Variants in CCNY observed in about 807,000 individuals in gnomAD.
CCNY encodes cyclin-Y.
Under a neutral mutation model 42.8 loss-of-function variants are expected in CCNY, and 19 were observed. The observed-to-expected ratio is 0.44, with a 90% confidence interval of 0.31 to 0.65. The LOEUF is 0.65. Among genes scored for constraint, CCNY ranks in the 30% least tolerant of loss-of-function variants. The pLI is 0.07. For missense variants in CCNY, 370 were observed against 437.3 expected (o/e 0.85, Z 1.37); for synonymous variants, 165 against 162.7 (o/e 1.01, Z -0.11).
intron 2 of CCNY, among the ~76,000 whole-genome samples, chr10:35,485,733 A>C (rs914540584): frequency 2.9e-4 from 43 of 148,834 alleles, no homozygotes; most frequent in African/African-American, 8.9e-4. Flanking sequence ...TCAAAAAAAA[A>C]AAAAAACAAA....
rs1839354435 is a variant in CCNY, at chr10:35,469,938, GGAGAGACAGACAGGGAGA to G, written c.155-13465_155-13448del. Among the ~76,000 whole-genome samples the G allele has an allele frequency of 2.1e-5, 3 of 141,458 alleles. No homozygotes were observed. In the East Asian group the frequency reaches 6.7e-4, roughly 32 times the overall value. The allele number at this position is 141,458 out of a possible 152,430, so 92.8% of individuals were successfully genotyped here. A position where few individuals can be genotyped will look rare whatever the true frequency, so the allele number is the denominator to read the frequency against. ...GAGACAGACAGGGAGATAGGGCAAT[GGAGAGACAGACAGGGAGA>G]TGGAGAGACAGACAGGGAGATAGGG... On this transcript the variant is annotated intron_variant, in intron 1 of 9. Coordinates refer to ENST00000374704, the MANE Select transcript of CCNY (RefSeq NM_145012.6).
chr10:35,422,289 A>T (rs1589110657), intron 1 of CCNY, among the ~76,000 whole-genome samples: 1 of 151,908 alleles, frequency 6.6e-6, no homozygotes, highest in African/African-American at 2.4e-5. Flanking sequence ...TGATCCCGGG[A>T]TGAGTTAGCT....
rs111656890 is a variant in CCNY at position 35,395,744 on chromosome 10, C to T, written c.154+58537C>T. On this transcript the variant is annotated intron_variant, in intron 1 of 9. Transcript: ENST00000374704. ...AAGTTTGGTAAGAGAGAGACGCTGT[C>T]AGCGCCTGGTTGTGTGTTACTTTTA... 3.4e-3 allele frequency among the ~76,000 whole-genome samples: 513 copies of T among 152,310 alleles called. 4 individuals carry two copies. Among genetic ancestry groups the T allele is most frequent in the African/African-American group, 0.012 (483 of 41,568 alleles).
intron 1 of CCNY, among the ~76,000 whole-genome samples, chr10:35,433,002 G>GT: frequency 6.6e-6 from 1 of 152,294 alleles, no homozygotes; most frequent in African/African-American, 2.4e-5. Flanking sequence ...TACCAGCTGA[G>GT]TGAGCATTCA....
chr10:35,553,285 C>A, intron 8 of CCNY, 100 bp downstream of exon 8: 1 of 1,162,204 alleles, frequency 8.6e-7, no homozygotes, highest in Non-Finnish European at 1.2e-6. Flanking sequence ...GCGCAGAATG[C>A]ATGCATTTGA....
intron 3 of CCNY, among the ~76,000 whole-genome samples, chr10:35,293,126 C>G (rs1407691015): frequency 6.6e-6 from 1 of 152,074 alleles, no homozygotes; most frequent in East Asian, 1.9e-4. Context: ...CCCGTAAGTC[C>G]TTAATCTATT....
chr10:35,471,128 C>A (rs1024644510), intron 1 of CCNY, among the ~76,000 whole-genome samples: 3 of 152,162 alleles, frequency 2.0e-5, no homozygotes, highest in African/African-American at 7.2e-5. Context: ...AATCACAGAA[C>A]CCTTGATTCC....
At chr10:35,290,265 A>ACACACACAC (rs1405052578) in intron 3 of CCNY, among the ~76,000 whole-genome samples, 44 of 50,168 alleles carry the variant, frequency 8.8e-4, no homozygotes, top group African/African-American at 3.1e-3. Flanking sequence ...CACACACACA[A>ACACACACAC]AATTAGCTGG....
intron 3 of CCNY, among the ~76,000 whole-genome samples, chr10:35,252,884 C>T (rs2095712939): frequency 6.6e-6 from 1 of 152,116 alleles, no homozygotes; most frequent in South Asian, 2.1e-4. Context: ...AGCTACTTTC[C>T]AAAGCCATTC....
At chr10:35,492,218 C>A (rs944552567) in intron 2 of CCNY, among the ~76,000 whole-genome samples, 27 of 152,364 alleles carry the variant, frequency 1.8e-4, no homozygotes, top group African/African-American at 6.5e-4. Flanking sequence ...GACACCAGCA[C>A]ACACACAGAG....
intron 1 of CCNY, among the ~76,000 whole-genome samples, chr10:35,365,603 C>G (rs1318765648): frequency 6.6e-6 from 1 of 152,170 alleles, no homozygotes; most frequent in Non-Finnish European, 1.5e-5. Context: ...GAGATTGTCA[C>G]TTCTTTCCAT....
chr10:35,298,776 T>C (rs1210101747), intron 3 of CCNY, among the ~76,000 whole-genome samples: 1 of 152,208 alleles, frequency 6.6e-6, no homozygotes, highest in African/African-American at 2.4e-5. Flanking sequence ...TGCACTTCAG[T>C]CTCTCAAAGT....
chr10:35,438,317 TA>T (rs200367927), intron 1 of CCNY, among the ~76,000 whole-genome samples: 42 of 134,756 alleles, frequency 3.1e-4, no homozygotes, highest in African/African-American at 1.0e-3. Context: ...CCTGACTAAT[TA>T]AAAAAAAAAT....
At chr10:35,363,788 G>A (rs1007323957) in intron 1 of CCNY, among the ~76,000 whole-genome samples, 1 of 152,178 alleles carries the variant, frequency 6.6e-6, no homozygotes, top group African/African-American at 2.4e-5. Flanking sequence ...TTGAAAGAGT[G>A]AGTGAACCAG....
intron 2 of CCNY, among the ~76,000 whole-genome samples, chr10:35,490,056 T>G (rs1204221314): frequency 6.6e-6 from 1 of 152,204 alleles, no homozygotes; most frequent in Non-Finnish European, 1.5e-5. Flanking sequence ...GTATCGTGAT[T>G]TATTCCAAGT....
At chr10:35,566,224 G>A (rs1191664223) in intron 9 of CCNY, 39 bp downstream of exon 9, 3 of 1,585,872 alleles carry the variant, frequency 1.9e-6, no homozygotes, top group Non-Finnish European at 2.6e-6. Flanking sequence ...GTGCAGTGTT[G>A]CCAATACATC....
chr10:35,405,610 A>G (rs1263953547), intron 1 of CCNY, among the ~76,000 whole-genome samples: 2 of 152,228 alleles, frequency 1.3e-5, no homozygotes, highest in Non-Finnish European at 2.9e-5. Flanking sequence ...TACCCACAAC[A>G]GTTATGGAGG....
intron 4 of CCNY, among the ~76,000 whole-genome samples, chr10:35,522,980 T>C (rs1840579643): frequency 6.6e-6 from 1 of 152,126 alleles, no homozygotes; most frequent in Non-Finnish European, 1.5e-5. Flanking sequence ...GCTGTTCGGG[T>C]GAATGCCTTG....
intron 1 of CCNY, among the ~76,000 whole-genome samples, chr10:35,344,524 T>C (rs922062956): frequency 6.6e-6 from 1 of 152,334 alleles, no homozygotes; most frequent in South Asian, 2.1e-4. Context: ...AACTGGTCTT[T>C]ACTAGAAATA....
Sources: allele counts gnomAD v4.1 joint callset (sites outside exome capture counted in the v4.1 genomes callset), GRCh38; gene constraint gnomAD v4.1.1; transcripts MANE v1.5; gene names NCBI Gene and HGNC (gene_info 2026-07-23, HGNC 2026-07-21).